RASA3: variants seen among roughly 807,000 people sequenced by gnomAD.
RASA3 encodes ras GTPase-activating protein 3.
In RASA3, 73 loss-of-function variants were observed where a neutral mutation model predicts 110.0. That is an observed-to-expected ratio of 0.66 (90% CI 0.55 to 0.81). The LOEUF (loss-of-function observed/expected upper bound fraction) is 0.81, where lower values mean the gene tolerates loss of function less well. RASA3 is among the 30% of genes least tolerant of loss of function. The pLI, the probability that RASA3 is intolerant of heterozygous loss-of-function variation, is 0.00. For missense variants in RASA3, 976 were observed against 1,113.2 expected (o/e 0.88, Z 1.75); for synonymous variants, 500 against 451.4 (o/e 1.11, Z -1.37).
intron 2 of RASA3, among the ~76,000 whole-genome samples, chr13:114,067,184 T>G (rs954771677): frequency 7.5e-6 from 1 of 133,994 alleles, no homozygotes; most frequent in Non-Finnish European, 1.6e-5. Flanking sequence ...CCTGCGGTAC[T>G]CTGGGGCTGA....
At chr13:114,013,383 C>T in intron 14 of RASA3, 135 bp from the exon 15 acceptor site, 1 of 554,092 alleles carries the variant, frequency 1.8e-6, no homozygotes, top group Non-Finnish European at 3.2e-6. Context: ...GTGTCTGTCT[C>T]TCTCCCTCTC....
intron 8 of RASA3, among the ~76,000 whole-genome samples, chr13:114,022,938 C>T (rs1163505259): frequency 6.6e-6 from 1 of 152,074 alleles, no homozygotes; most frequent in African/African-American, 2.4e-5. Flanking sequence ...GGACCCTGAC[C>T]CCTCAGGAGG....
intron 1 of RASA3, among the ~76,000 whole-genome samples, chr13:114,082,627 G>A (rs747714661): frequency 4.6e-5 from 7 of 152,172 alleles, no homozygotes; most frequent in East Asian, 1.9e-4. Context: ...GCTGCGTCCC[G>A]TCTGGGGGCA....
Position 114,011,329 on chromosome 13 carries a change from A to C in RASA3, c.1513-81T>G. 1.6e-6 allele frequency: 2 copies of C among 1,219,178 alleles called. No homozygotes were observed. The highest frequency in any genetic ancestry group is 2.4e-6 in the Non-Finnish European group (2 of 837,018). The allele number at this position is 1,219,178 out of a possible 1,614,324, so 75.5% of individuals were successfully genotyped here. A position where few individuals can be genotyped will look rare whatever the true frequency, so the allele number is the denominator to read the frequency against. ...GTCCCAGATCGAGGGGACGAAATGC[A>C]GGAGTCACCTCAGAGCTGCTGTGGC... On this transcript the variant is annotated intron_variant, in intron 15 of 23. Coordinates refer to ENST00000334062, the MANE Select transcript of RASA3 (RefSeq NM_007368.4). The surrounding 1 kb of genome is among the most constrained non-coding windows in gnomAD (Gnocchi z 4.8).
At chr13:114,022,269 G>A (rs775313852) in intron 8 of RASA3, among the ~76,000 whole-genome samples, 6 of 152,296 alleles carry the variant, frequency 3.9e-5, no homozygotes, top group East Asian at 1.9e-4. Context: ...GGGATGGTAC[G>A]TGTCCCCTCA....
chr13:113,998,394 G>A (rs1370538149), intron 20 of RASA3, among the ~76,000 whole-genome samples: 1 of 152,220 alleles, frequency 6.6e-6, no homozygotes. Context: ...TAACATGCTA[G>A]TAAAATTCTG....
At chr13:114,051,294 G>A (rs182277074) in intron 3 of RASA3, among the ~76,000 whole-genome samples, 1 of 152,198 alleles carries the variant, frequency 6.6e-6, no homozygotes, top group Non-Finnish European at 1.5e-5. Flanking sequence ...TCCTGGGCGT[G>A]AGCTCAGGCG....
intron 21 of RASA3, among the ~76,000 whole-genome samples, chr13:113,994,547 A>C (rs931173214): frequency 8.7e-6 from 1 of 115,072 alleles, no homozygotes; most frequent in Non-Finnish European, 1.7e-5. Context: ...GGGTAATCCC[A>C]GCACTCTGGG....
At position 114,114,187 on chromosome 13, in the gene RASA3, T is replaced by C. The variant is rs1448856036; in HGVS notation, c.55+18248A>G. On this transcript the variant is annotated intron_variant, in intron 1 of 23. Transcript: ENST00000334062. The surrounding 1 kb of genome is among the most constrained non-coding windows in gnomAD (Gnocchi z 4.8). The stretch of plus-strand genomic sequence containing the variant: ...ACCCCACCACGGTGAGCGTCTGCGA[T>C]GTCCGTGCAGGGGAGAGAGACCTGG... 1.3e-5 allele frequency among the ~76,000 whole-genome samples: 2 copies of C among 152,234 alleles called. No homozygotes were observed. The highest frequency in any genetic ancestry group is 3.8e-4 in the East Asian group (2 of 5,200).
chr13:114,073,671 A>G lies in RASA3; in HGVS notation c.173+49T>C, dbSNP rs373406209. The stretch of plus-strand genomic sequence containing the variant: ...GACGTACACCCTTGGGACATTCTCT[A>G]CACCAAAGAAAACACATCAGTGCCA... On this transcript the variant is annotated intron_variant, in intron 2 of 23. Transcript: ENST00000334062. 13 of 1,452,812 alleles carry G rather than the reference A, an allele frequency of 8.9e-6. No individual in the cohort carries two copies. In the African/African-American group the frequency reaches 1.5e-4, roughly 17 times the overall value. 90.0% of individuals were successfully genotyped at this position (1,452,812 alleles called of 1,614,324 possible). A position where few individuals can be genotyped will look rare whatever the true frequency, so the allele number is the denominator to read the frequency against.
chr13:114,076,344 C>G (rs536833861), intron 1 of RASA3, among the ~76,000 whole-genome samples: 53 of 152,308 alleles, frequency 3.5e-4, no homozygotes, highest in African/African-American at 1.2e-3. Context: ...CGGCGACTCT[C>G]CCGGGATGCG....
intron 6 of RASA3, 28 bp from the exon 7 acceptor site, chr13:114,027,489 T>C: frequency 3.2e-6 from 5 of 1,555,802 alleles, no homozygotes; most frequent in Non-Finnish European, 8.9e-7. Context: ...AGGATTGGGA[T>C]TAAAACAACA....
At chr13:114,026,589 C>A (rs1368208795) in intron 7 of RASA3, among the ~76,000 whole-genome samples, 1 of 152,236 alleles carries the variant, frequency 6.6e-6, no homozygotes, top group African/African-American at 2.4e-5. Flanking sequence ...TAGGTCCACT[C>A]TCCTACGGTC....
chr13:114,127,555 T>C (rs975219262), intron 1 of RASA3, among the ~76,000 whole-genome samples: 1 of 152,204 alleles, frequency 6.6e-6, no homozygotes, highest in African/African-American at 2.4e-5. Flanking sequence ...AGTCTCTCTG[T>C]TCTCCAGCCC....
At chr13:114,042,391 G>A (rs1401582270) in intron 3 of RASA3, among the ~76,000 whole-genome samples, 1 of 152,272 alleles carries the variant, frequency 6.6e-6, no homozygotes, top group Non-Finnish European at 1.5e-5. Flanking sequence ...CACATGTGAA[G>A]TCTGAGCCCA....
At position 113,992,358 on chromosome 13, in the gene RASA3, A is replaced by G. The variant is rs545043882; in HGVS notation, c.2245+127T>C. ...TCGCATCCATCCGTGCTACAAAGAC[A>G]ACTACATGTAGCCCACACTACACCA... On this transcript the variant is annotated intron_variant, in intron 22 of 23. Transcript: ENST00000334062. 16 of 666,248 alleles carry G rather than the reference A, an allele frequency of 2.4e-5. 1 individual carries two copies. The South Asian group carries it at 3.0e-4, about 12-fold the overall frequency. The allele number at this position is 666,248 out of a possible 1,614,324, so 41.3% of individuals were successfully genotyped here.
chr13:114,012,548 GCACACTCCCCATGCATTCCACA>G (rs2053658196), intron 15 of RASA3, among the ~76,000 whole-genome samples: 2 of 110,770 alleles, frequency 1.8e-5, no homozygotes, highest in East Asian at 5.9e-4. Flanking sequence ...CTCATTCCAT[GCACACTCCCCATGCATTCCACA>G]CACACTCCCC....
intron 4 of RASA3, among the ~76,000 whole-genome samples, chr13:114,040,510 G>A (rs1388035498): frequency 7.3e-6 from 1 of 136,348 alleles, no homozygotes; most frequent in Non-Finnish European, 1.5e-5. Context: ...GGGCGAACAC[G>A]CACAACCCAA....
intron 21 of RASA3, among the ~76,000 whole-genome samples, chr13:113,994,982 A>G (rs964095464): frequency 6.6e-6 from 1 of 152,206 alleles, no homozygotes; most frequent in Non-Finnish European, 1.5e-5. Context: ...TCAAAGACAT[A>G]AAACTAAAAA....
Sources: gnomAD v4.1 joint callset for allele counts (sites outside exome capture counted in the v4.1 genomes callset) on GRCh38, gnomAD v4.1.1 for gene constraint, Gnocchi (gnomAD v3.1) non-coding constraint, MANE v1.5 for transcripts, NCBI Gene and HGNC (gene_info 2026-07-23, HGNC 2026-07-21) for gene names.